XCR1: variants seen among roughly 807,000 people sequenced by gnomAD.
XCR1 encodes the protein X-C motif chemokine receptor 1.
For missense variants in XCR1, 356 were observed against 424.2 expected, an observed-to-expected ratio of 0.84 and a Z score of 1.41; for synonymous variants, 187 against 188.5, an observed-to-expected ratio of 0.99 and a Z score of 0.06.
intron 1 of XCR1, chr3:46,023,434 C>T: frequency 6.8e-7 from 1 of 1,481,316 alleles, no homozygotes; most frequent in Non-Finnish European, 9.4e-7. Context: ...AGCCATGAAG[C>T]TGACACAATC....
At chr3:46,045,107 A>G (rs968029832) in intron 5 of XCR1, among the ~76,000 whole-genome samples, 6 of 152,106 alleles carry the variant, frequency 3.9e-5, no homozygotes, top group African/African-American at 1.4e-4. Context: ...AAATATTGTC[A>G]AAAAAAACCC....
At chr3:46,040,026 TTAA>T (rs1242883715) in intron 5 of XCR1, among the ~76,000 whole-genome samples, 3 of 152,346 alleles carry the variant, frequency 2.0e-5, no homozygotes, top group African/African-American at 7.2e-5. Context: ...AGCTTTAACG[TTAA>T]TAATACCCCA....
Position 46,027,455 on chromosome 3 carries a change from A to G in XCR1, c.-70T>C, listed in dbSNP as rs1383840413. ...TCTTTACATGCGTCTTGAGGCAGAA[A>G]TGGTGCTTCTCTGTTTCATATTTCA... On this transcript the variant is annotated 5_prime_UTR_variant, in exon 1 of 2. Transcript: ENST00000309285. The G allele has an allele frequency of 1.3e-5, 2 of 152,268 alleles. No individual in the cohort carries two copies. Among genetic ancestry groups the G allele is most frequent in the Non-Finnish European group, 2.9e-5 (2 of 68,046 alleles). 9.4% of individuals were successfully genotyped at this position (152,268 alleles called of 1,614,324 possible).
chr3:46,071,858 T>C (rs1698169643), intron 3 of XCR1, among the ~76,000 whole-genome samples: 2 of 152,132 alleles, frequency 1.3e-5, no homozygotes, highest in African/African-American at 2.4e-5. Context: ...AACCTCATAC[T>C]GAACGGTGGA....
intron 4 of XCR1, among the ~76,000 whole-genome samples, chr3:46,060,025 T>C (rs1407624798): frequency 5.3e-5 from 8 of 152,226 alleles, no homozygotes; most frequent in Non-Finnish European, 1.2e-4. Context: ...TTATGTTAGA[T>C]GATAAGAGTA....
chr3:46,072,884 T>C (rs9876587), intron 3 of XCR1, among the ~76,000 whole-genome samples: 68,727 of 152,026 alleles, frequency 0.45, 18,422 homozygotes, highest in African/African-American at 0.75. Context: ...TACAAGGCTA[T>C]AGTAACCAAA....
chr3:46,038,023 G>GT (rs1254638392), intron 5 of XCR1, among the ~76,000 whole-genome samples: 26 of 105,154 alleles, frequency 2.5e-4, no homozygotes, highest in African/African-American at 1.2e-3. Context: ...GCACGGGTTT[G>GT]TTTTTTGTTT....
chr3:46,050,285 G>A (rs1697715706), intron 5 of XCR1, among the ~76,000 whole-genome samples: 1 of 152,224 alleles, frequency 6.6e-6, no homozygotes. Context: ...GTAAAGATGT[G>A]TAAGTTGATA....
chr3:46,073,708 G>T (rs147984982), intron 3 of XCR1, among the ~76,000 whole-genome samples: 4,745 of 142,050 alleles, frequency 0.033, 247 homozygotes, highest in African/African-American at 0.13. Flanking sequence ...GAATTTACAA[G>T]GAATTCAAAC....
chr3:46,037,538 T>A (rs1274825053), intron 5 of XCR1, among the ~76,000 whole-genome samples: 1 of 152,124 alleles, frequency 6.6e-6, no homozygotes, highest in Non-Finnish European at 1.5e-5. Flanking sequence ...AAATAAGAAG[T>A]CCAAAAGTAT....
intron 5 of XCR1, among the ~76,000 whole-genome samples, chr3:46,037,975 C>T (rs1395705153): frequency 1.3e-5 from 2 of 151,222 alleles, no homozygotes; most frequent in African/African-American, 2.4e-5. Flanking sequence ...GACTTGAAGA[C>T]GTTAATCTGT....
At chr3:46,036,125 T>C (rs578151971) in intron 5 of XCR1, among the ~76,000 whole-genome samples, 2 of 152,312 alleles carry the variant, frequency 1.3e-5, no homozygotes, top group South Asian at 2.1e-4. Context: ...CCAATATTGT[T>C]TGGAATCGGA....
chr3:46,067,471 T>C (rs1698098117), intron 3 of XCR1, among the ~76,000 whole-genome samples: 1 of 152,038 alleles, frequency 6.6e-6, no homozygotes, highest in South Asian at 2.1e-4. Context: ...TTGAGATGAG[T>C]TGGGCTAAAT....
At chr3:46,077,377 G>A (rs1000606675) in intron 1 of XCR1, among the ~76,000 whole-genome samples, 3 of 151,656 alleles carry the variant, frequency 2.0e-5, no homozygotes, top group African/African-American at 4.9e-5. Context: ...TGCTCCTTAC[G>A]AAAATCTAAT....
chr3:46,031,695 C>T (rs771569426), upstream of XCR1, among the ~76,000 whole-genome samples: 3 of 152,230 alleles, frequency 2.0e-5, no homozygotes, highest in Admixed American at 1.3e-4. Context: ...GACAGTCCCA[C>T]GAACCACAGG....
intron 5 of XCR1, among the ~76,000 whole-genome samples, chr3:46,033,770 A>G (rs1396949562): frequency 6.6e-6 from 1 of 152,206 alleles, no homozygotes; most frequent in Non-Finnish European, 1.5e-5. Context: ...CCATCTTGAC[A>G]ATATTGAGTC....
chr3:46,028,636 G>A (rs1428059372), upstream of XCR1, among the ~76,000 whole-genome samples: 1 of 150,268 alleles, frequency 6.7e-6, no homozygotes, highest in Non-Finnish European at 1.5e-5. Flanking sequence ...CTGTCACCCA[G>A]GCCTGAATTC....
chr3:46,046,349 C>T (rs538596232), intron 5 of XCR1, among the ~76,000 whole-genome samples: 4 of 152,258 alleles, frequency 2.6e-5, no homozygotes, highest in East Asian at 1.9e-4. Flanking sequence ...GAAAAGGGGT[C>T]GGCTGCTCGG....
At chr3:46,061,369 A>G (rs1697957951) in intron 4 of XCR1, among the ~76,000 whole-genome samples, 1 of 152,214 alleles carries the variant, frequency 6.6e-6, no homozygotes, top group Non-Finnish European at 1.5e-5. Context: ...TGCTGAGCCC[A>G]TGCATAACTT....
Sources: gnomAD v4.1 joint callset for allele counts (sites outside exome capture counted in the v4.1 genomes callset) on GRCh38, gnomAD v4.1.1 for gene constraint, MANE v1.5 for transcripts, NCBI Gene and HGNC (gene_info 2026-07-23, HGNC 2026-07-21) for gene names.